TKTL1: variants seen among roughly 807,000 people sequenced by gnomAD.
TKTL1 encodes transketolase like 1.
A neutral mutation model predicts 39.3 loss-of-function variants in TKTL1; 1 was observed. The observed-to-expected ratio is 0.03, with a 90% CI of 0.01 to 0.12. The LOEUF is 0.12. Among genes scored for constraint, TKTL1 ranks in the 10% least tolerant of loss-of-function variants. The probability of loss-of-function intolerance (pLI) is 1.00; values close to 1 mark genes in which losing one functional copy is unlikely to be tolerated. For missense variants in TKTL1, 575 were observed against 509.6 expected (o/e 1.13, Z -1.24); for synonymous variants, 262 against 193.8 (o/e 1.35, Z -2.92).
chrX:154,296,038 C>G, intron 1 of TKTL1, 45 bp downstream of exon 1: 2 of 1,196,202 alleles, frequency 1.7e-6, no homozygotes, highest in Non-Finnish European at 2.3e-6. Context: ...GGCCACGGGC[C>G]CGGTGGCTTC....
At chrX:154,299,866 C>A (rs1476304505) in intron 1 of TKTL1, among the ~76,000 whole-genome samples, 1 of 111,841 alleles carries the variant, frequency 8.9e-6, no homozygotes, top group African/African-American at 3.3e-5. Context: ...GGTTCCTTAT[C>A]TTTGCAATTG....
chrX:154,312,764 T>A lies in TKTL1; in HGVS notation c.855T>A (p.Val285=). Residue 285 remains valine (V), a synonymous_variant, in exon 6 of 13, where the codon GTT becomes GTA. Transcript: ENST00000369915. ...VRMTSPPDYR[V]GDKIATRKAC... is the part of the protein sequence containing the mutation. ...TGACCTCTCCACCTGATTACAGAGTTGGTGACAAGGTAGGCAGAAAGGTGG... is the reference window on the plus strand; with the variant it reads ...TGACCTCTCCACCTGATTACAGAGTAGGTGACAAGGTAGGCAGAAAGGTGG... 1.7e-6 allele frequency: 2 copies of A among 1,202,584 alleles called. No homozygotes were observed. Among genetic ancestry groups the A allele is most frequent in the African/African-American group, 1.7e-5 (1 of 57,492 alleles).
chrX:154,303,689 G>A (rs1557166527), intron 1 of TKTL1, among the ~76,000 whole-genome samples: 1 of 107,098 alleles, frequency 9.3e-6, no homozygotes, highest in Non-Finnish European at 1.9e-5. Flanking sequence ...CACCCCCCTG[G>A]AAGTCCCCCA....
At chrX:154,310,103 G>A (rs782510568) in intron 3 of TKTL1, among the ~76,000 whole-genome samples, 3 of 111,833 alleles carry the variant, frequency 2.7e-5, no homozygotes, top group African/African-American at 6.5e-5. Context: ...AGCAGAACAC[G>A]TTTCCAAGGT....
At chrX:154,303,716 A>G (rs1557166536) in intron 1 of TKTL1, among the ~76,000 whole-genome samples, 1 of 106,973 alleles carries the variant, frequency 9.3e-6, no homozygotes, top group Non-Finnish European at 1.9e-5. Context: ...AGCAGGATTT[A>G]TGCCTCACAC....
At chrX:154,319,510 C>T (rs2067431682) in intron 7 of TKTL1, among the ~76,000 whole-genome samples, 5 of 111,519 alleles carry the variant, frequency 4.5e-5, no homozygotes, top group Admixed American at 1.9e-4. Context: ...GGAGGCCGGC[C>T]GAGGTGGGTG....
intron 8 of TKTL1, 27 bp from the exon 9 acceptor site, chrX:154,323,180 G>A (rs114084652): frequency 8.3e-7 from 1 of 1,207,792 alleles, no homozygotes; most frequent in Non-Finnish European, 1.1e-6. Context: ...TTATGCTCCT[G>A]TTTTCATCGG....
intron 7 of TKTL1, chrX:154,320,541 C>T: frequency 2.4e-6 from 1 of 420,787 alleles, no homozygotes; most frequent in African/African-American, 2.4e-5. Context: ...AGTCTCATCT[C>T]TTGCTCCCTA....
intron 5 of TKTL1, 140 bp downstream of exon 5, chrX:154,311,378 C>T: frequency 3.5e-6 from 3 of 846,034 alleles, no homozygotes; most frequent in South Asian, 2.5e-5. Flanking sequence ...ATGTTGGAGG[C>T]TCCTGCTCTC....
intron 1 of TKTL1, among the ~76,000 whole-genome samples, chrX:154,304,149 C>T (rs1172560371): frequency 1.8e-5 from 2 of 110,657 alleles, no homozygotes; most frequent in African/African-American, 6.6e-5. Flanking sequence ...GTCCCTTCTC[C>T]ACTGAAGCCT....
In TKTL1 at chrX:154,310,983, C is replaced by T. The variant is rs141264182; in HGVS notation, c.498C>T (p.Ala166=). Residue 166 remains alanine, a synonymous_variant, in exon 4 of 13, where the codon GCC becomes GCT. Coordinates refer to ENST00000369915, the MANE Select transcript of TKTL1 (RefSeq NM_012253.4). ...TGGGACACAGTGGTGCATTGCCCGCCGAGCACTGCATAAACATCTATCAGA... is the reference window on the plus strand; with the variant it reads ...TGGGACACAGTGGTGCATTGCCCGCTGAGCACTGCATAAACATCTATCAGA... The part of the protein sequence containing the change: ...NRLGHSGALP[A]EHCINIYQRR... 15 of 1,210,489 alleles carry T rather than the reference C, an allele frequency of 1.2e-5. No homozygotes were observed. In the African/African-American group the frequency reaches 1.6e-4, roughly 13 times the overall value.
At chrX:154,303,064 G>A (rs1247534930) in intron 1 of TKTL1, among the ~76,000 whole-genome samples, 1 of 111,189 alleles carries the variant, frequency 9.0e-6, no homozygotes, top group African/African-American at 3.3e-5. Flanking sequence ...AAACGAATGC[G>A]TTAACCCATT....
intron 1 of TKTL1, among the ~76,000 whole-genome samples, chrX:154,298,029 C>T (rs1412944461): frequency 2.7e-5 from 3 of 111,659 alleles, no homozygotes; most frequent in African/African-American, 9.8e-5. Context: ...CTTTAGTCTC[C>T]TTACTAGTTA....
chrX:154,304,875 C>G lies in TKTL1; in HGVS notation c.135-429C>G, dbSNP rs1319288199. 6 of 543,041 alleles carry G rather than the reference C, an allele frequency of 1.1e-5. No homozygotes were observed. In the African/African-American group the frequency reaches 1.2e-4, roughly 11 times the overall value. The allele number at this position is 543,041 out of a possible 1,213,427, so 44.8% of individuals were successfully genotyped here. On this transcript the variant is annotated intron_variant, in intron 1 of 12. Coordinates refer to ENST00000369915, the MANE Select transcript of TKTL1 (RefSeq NM_012253.4). ...GCATTCAGAAAGGGCCTCAGTTACT[C>G]TACCATGACAAATTTCTCAGTCTGT...
intron 3 of TKTL1, among the ~76,000 whole-genome samples, 164 bp downstream of exon 3, chrX:154,309,606 C>G (rs1181686653): frequency 9.0e-6 from 1 of 111,179 alleles, no homozygotes; most frequent in East Asian, 2.8e-4. Flanking sequence ...GTGCCTTTTC[C>G]CCACCTCGGG....
intron 12 of TKTL1, 117 bp from the exon 13 acceptor site, chrX:154,329,399 G>A (rs1447565531): frequency 5.3e-6 from 4 of 761,607 alleles, no homozygotes; most frequent in South Asian, 2.6e-5. Context: ...CGGAGTGGCT[G>A]TTCACATGAA....
intron 7 of TKTL1, among the ~76,000 whole-genome samples, chrX:154,316,679 C>T (rs1380217548): frequency 1.8e-5 from 2 of 111,469 alleles, no homozygotes; most frequent in African/African-American, 3.3e-5. Flanking sequence ...CAAACAGCAC[C>T]CCTGTTGAGA....
intron 7 of TKTL1, among the ~76,000 whole-genome samples, chrX:154,318,119 A>C (rs782487372): frequency 1.8e-5 from 2 of 110,983 alleles, no homozygotes; most frequent in Non-Finnish European, 3.8e-5. Flanking sequence ...CCCAGGCTGG[A>C]ATGCAGTGGC....
At chrX:154,306,160 T>A (rs2067313473) in intron 2 of TKTL1, among the ~76,000 whole-genome samples, 1 of 106,353 alleles carries the variant, frequency 9.4e-6, no homozygotes, top group Non-Finnish European at 1.9e-5. Flanking sequence ...AAAAAAAAAA[T>A]TAGCTAGGCA....
Sources: gnomAD v4.1 joint callset for allele counts (sites outside exome capture counted in the v4.1 genomes callset) on GRCh38, gnomAD v4.1.1 for gene constraint, MANE v1.5 for transcripts, NCBI Gene and HGNC (gene_info 2026-07-23, HGNC 2026-07-21) for gene names.